IL21R: variants seen among roughly 807,000 people sequenced by gnomAD.
IL21R encodes the protein interleukin-21 receptor.
IL21R carries 14 observed loss-of-function variants against 41.3 expected under a neutral mutation model. That is an observed-to-expected ratio of 0.34 (90% CI 0.22 to 0.53). The LOEUF (loss-of-function observed/expected upper bound fraction) is 0.53, where lower values mean the gene tolerates loss of function less well. IL21R is among the 20% of genes least tolerant of loss of function. The pLI is 0.94. For synonymous variants in IL21R, 286 were observed against 287.6 expected, an observed-to-expected ratio of 0.99 and a Z score of 0.05; for missense variants, 588 against 681.6, an observed-to-expected ratio of 0.86 and a Z score of 1.53.
In IL21R at chr16:27,445,050, G is replaced by A. The variant is rs3093372; in HGVS notation, c.686-127G>A. ...TGAACCCAGATCCATCTCACTTCAA[G>A]ACACTAGCAGTAACAGCCTCTCCTA... On this transcript the variant is annotated intron_variant, in intron 6 of 8. Coordinates refer to ENST00000337929, the MANE Select transcript of IL21R (RefSeq NM_181078.3). The A allele has an allele frequency of 3.2e-3, 2,153 of 681,802 alleles. 40 individuals carry two copies. The African/African-American group carries it at 0.034, about 11-fold the overall frequency. The allele number at this position is 681,802 out of a possible 1,614,324, so 42.2% of individuals were successfully genotyped here.
intron 1 of IL21R, among the ~76,000 whole-genome samples, chr16:27,426,906 T>C (rs1174168904): frequency 4.6e-5 from 7 of 152,076 alleles, no homozygotes; most frequent in Non-Finnish European, 7.4e-5. Flanking sequence ...TTTTGGCTCA[T>C]GGGAATGAGA....
Position 27,449,238 on chromosome 16 carries a change from G to A in IL21R, c.1572G>A (p.Val524=). The change falls in exon 9 of 9, where the codon GTG becomes GTA. Residue 524 remains valine (V), a synonymous_variant. Coordinates refer to ENST00000337929, the MANE Select transcript of IL21R (RefSeq NM_181078.3). ...GPPRSYLRQW[V]VIPPPLSSPG... ...CCCGGAGCTACCTCCGCCAGTGGGT[G>A]GTCATTCCTCCGCCACTTTCGAGCC... The A allele has an allele frequency of 6.2e-7, 1 of 1,611,750 alleles. No homozygotes were observed. The highest frequency in any genetic ancestry group is 8.5e-7 in the Non-Finnish European group (1 of 1,179,356).
In IL21R at chr16:27,402,365, C is replaced by G. The variant is rs142892921; in HGVS notation, c.-270C>G. 1 of 152,752 alleles carries G rather than the reference C, an allele frequency of 6.5e-6. No homozygotes were observed. The highest frequency in any genetic ancestry group is 2.4e-5 in the African/African-American group (1 of 41,590). The allele number at this position is 152,752 out of a possible 1,614,324, so 9.5% of individuals were successfully genotyped here. A position where few individuals can be genotyped will look rare whatever the true frequency, so the allele number is the denominator to read the frequency against. The stretch of plus-strand genomic sequence containing the variant: ...CTGCGGCCGCCTGGTACCTTCCTTG[C>G]CGTCTCTTTCCTCTGTCTGCTGCTC... On this transcript the variant is annotated 5_prime_UTR_variant, in exon 1 of 9. Transcript: ENST00000337929.
chr16:27,434,245 C>T (rs2087225436), intron 2 of IL21R, 102 bp from the exon 3 acceptor site: 1 of 767,206 alleles, frequency 1.3e-6, no homozygotes, highest in East Asian at 2.5e-5. Context: ...GGCCTGGGGA[C>T]CCCTGCACCC....
chr16:27,404,210 G>T (rs1418648700), intron 1 of IL21R, among the ~76,000 whole-genome samples: 2 of 152,150 alleles, frequency 1.3e-5, no homozygotes, highest in African/African-American at 4.8e-5. Flanking sequence ...CCTCTGCCAG[G>T]AGGGTGTCCG....
At chr16:27,437,010 G>T (rs2087281747) in intron 3 of IL21R, among the ~76,000 whole-genome samples, 2 of 152,156 alleles carry the variant, frequency 1.3e-5, no homozygotes, top group Non-Finnish European at 1.5e-5. Context: ...GGAAGGTCGA[G>T]GCTGCAGTAA....
At chr16:27,414,754 C>G (rs2086872857) in intron 1 of IL21R, among the ~76,000 whole-genome samples, 1 of 152,124 alleles carries the variant, frequency 6.6e-6, no homozygotes, top group African/African-American at 2.4e-5. Flanking sequence ...GAGATTACAA[C>G]ATGCATACTT....
chr16:27,418,002 T>G (rs1012144996), intron 1 of IL21R, among the ~76,000 whole-genome samples: 55 of 119,904 alleles, frequency 4.6e-4, no homozygotes, highest in African/African-American at 1.4e-3. Flanking sequence ...GTAACATTTT[T>G]CCTATTTTAT....
rs1009052678 is a variant in IL21R at position 27,449,485 on chromosome 16, G to A, written c.*202G>A. On this transcript the variant is annotated 3_prime_UTR_variant, in exon 9 of 9. Coordinates refer to ENST00000337929, the MANE Select transcript of IL21R (RefSeq NM_181078.3). The stretch of plus-strand genomic sequence containing the variant: ...GTGTGTGTGTGTGTGTGTCTTAGGT[G>A]CGCAGTGGCATGTCCACGTGTGTGT... The A allele has an allele frequency of 5.0e-6, 3 of 605,170 alleles. No homozygotes were observed. The highest frequency in any genetic ancestry group is 3.7e-5 in the African/African-American group (2 of 53,802). The allele number at this position is 605,170 out of a possible 1,614,324, so 37.5% of individuals were successfully genotyped here. A position where few individuals can be genotyped will look rare whatever the true frequency, so the allele number is the denominator to read the frequency against.
chr16:27,417,692 C>T (rs763864009), intron 1 of IL21R, among the ~76,000 whole-genome samples: 2 of 152,104 alleles, frequency 1.3e-5, no homozygotes, highest in Non-Finnish European at 2.9e-5. Context: ...CAGCATGATA[C>T]GGTACTGAAT....
rs192774096 is a variant in IL21R at position 27,416,934 on chromosome 16, T to C, written c.-16-13122T>C. Among the ~76,000 whole-genome samples, 304 of 152,354 alleles carry C rather than the reference T, an allele frequency of 2.0e-3. 1 individual carries two copies. Among genetic ancestry groups the C allele is most frequent in the Non-Finnish European group, 3.6e-3 (244 of 68,038 alleles). On this transcript the variant is annotated intron_variant, in intron 1 of 8. Transcript: ENST00000337929. ...ATGAATTTTTAAAGTTCATCCATTT[T>C]GTAGCACGTATCAGTAGTTCATTCC...
At chr16:27,424,564 C>T (rs766277592) in intron 1 of IL21R, among the ~76,000 whole-genome samples, 1 of 152,166 alleles carries the variant, frequency 6.6e-6, no homozygotes, top group Admixed American at 6.5e-5. Context: ...TTCGATGACA[C>T]TTTTAATGCT....
At chr16:27,441,438 G>A (rs1200650274) in intron 4 of IL21R, among the ~76,000 whole-genome samples, 4 of 152,190 alleles carry the variant, frequency 2.6e-5, no homozygotes, top group South Asian at 2.1e-4. Context: ...CTCAGAGCTC[G>A]GCTCTTGCAC....
intron 1 of IL21R, among the ~76,000 whole-genome samples, chr16:27,427,060 G>GAAGATACCAAA (rs1184000755): frequency 6.6e-6 from 1 of 152,090 alleles, no homozygotes; most frequent in Non-Finnish European, 1.5e-5. Context: ...CAAGCTCTGA[G>GAAGATACCAAA]AAGATACCAA....
chr16:27,440,610 C>T (rs112464152), intron 4 of IL21R, among the ~76,000 whole-genome samples: 232 of 152,248 alleles, frequency 1.5e-3, no homozygotes, highest in African/African-American at 4.7e-3. Context: ...TACTGTGCCC[C>T]AGGCTGTGTT....
At chr16:27,435,816 T>C (rs976304690) in intron 3 of IL21R, among the ~76,000 whole-genome samples, 1 of 152,096 alleles carries the variant, frequency 6.6e-6, no homozygotes, top group African/African-American at 2.4e-5. Context: ...TTGCCCAGGC[T>C]GGAGTGCGGT....
intron 4 of IL21R, 187 bp from the exon 5 acceptor site, chr16:27,442,775 A>G (rs1178634297): frequency 2.0e-6 from 1 of 510,190 alleles, no homozygotes; most frequent in African/African-American, 2.0e-5. Flanking sequence ...CCAGATGAAT[A>G]AACTGAAGCC....
intron 1 of IL21R, chr16:27,427,112 G>A (rs1023210348): frequency 6.3e-6 from 1 of 159,966 alleles, no homozygotes; most frequent in Non-Finnish European, 1.3e-5. Context: ...AAAAATCTCA[G>A]GACTGCTTTC....
intron 1 of IL21R, among the ~76,000 whole-genome samples, chr16:27,404,969 A>C (rs982465260): frequency 6.6e-6 from 1 of 152,024 alleles, no homozygotes; most frequent in African/African-American, 2.4e-5. Flanking sequence ...TGTGATGGGG[A>C]AGGCAAAAGA....
Sources: allele counts gnomAD v4.1 joint callset (sites outside exome capture counted in the v4.1 genomes callset), GRCh38; gene constraint gnomAD v4.1.1; transcripts MANE v1.5; gene names NCBI Gene and HGNC (gene_info 2026-07-23, HGNC 2026-07-21).